SLC1A4: variants seen among roughly 807,000 people sequenced by gnomAD.
SLC1A4 encodes neutral amino acid transporter A.
In SLC1A4, 19 loss-of-function variants were observed where a neutral mutation model predicts 37.7. The observed-to-expected ratio is 0.50, with a 90% CI of 0.35 to 0.74. The LOEUF is 0.74. Ranked by LOEUF, SLC1A4 falls within the 30% of genes least tolerant of loss-of-function variation. SLC1A4 has a pLI of 0.01. For missense variants in SLC1A4, 570 were observed against 712.9 expected (o/e 0.80, Z 2.28); for synonymous variants, 299 against 309.8 (o/e 0.97, Z 0.37).
chr2:65,023,178 T>A lies in SLC1A4; in HGVS notation c.*2032T>A, dbSNP rs1243237684. The A allele has an allele frequency of 1.3e-5, 2 of 152,284 alleles. No homozygotes were observed. The highest frequency in any genetic ancestry group is 4.8e-5 in the African/African-American group (2 of 41,468). The allele number at this position is 152,284 out of a possible 1,614,324, so 9.4% of individuals were successfully genotyped here. A position where few individuals can be genotyped will look rare whatever the true frequency, so the allele number is the denominator to read the frequency against. On this transcript the variant is annotated 3_prime_UTR_variant, in exon 8 of 8. Transcript: ENST00000234256. ...GTAGAGCATGTTGCTGATACTCTTC[T>A]GTTTTCAAGGGAAACAATCACATTG...
intron 1 of SLC1A4, among the ~76,000 whole-genome samples, chr2:64,991,358 C>G (rs955267321): frequency 6.7e-6 from 1 of 149,894 alleles, no homozygotes; most frequent in African/African-American, 2.5e-5. Context: ...ATGAGGGAGA[C>G]CAAAAGTTCT....
intron 4 of SLC1A4, among the ~76,000 whole-genome samples, chr2:65,011,099 T>G (rs1387169580): frequency 6.6e-6 from 1 of 152,208 alleles, no homozygotes; most frequent in Non-Finnish European, 1.5e-5. Flanking sequence ...TGTGGGAAAG[T>G]GAATTCCATT....
chr2:65,002,570 CT>C (rs70937394), intron 2 of SLC1A4, among the ~76,000 whole-genome samples: 5,319 of 59,148 alleles, frequency 0.09, 64 homozygotes, highest in Non-Finnish European at 0.1. Flanking sequence ...TGTGACCATT[CT>C]TTTTTTTTTT....
rs1003171529 is a variant in SLC1A4 at position 65,023,241 on chromosome 2, C to T, written c.*2095C>T. On this transcript the variant is annotated 3_prime_UTR_variant, in exon 8 of 8. Coordinates refer to ENST00000234256, the MANE Select transcript of SLC1A4 (RefSeq NM_003038.5). The stretch of plus-strand genomic sequence containing the variant: ...TGGTAAATGAACACTCACTATTCTT[C>T]AGGCTTCAGTAAATCTTTTTTTCTT... The T allele has an allele frequency of 6.6e-6, 1 of 152,210 alleles. No homozygotes were observed. The highest frequency in any genetic ancestry group is 2.4e-5 in the African/African-American group (1 of 41,454). 9.4% of individuals were successfully genotyped at this position (152,210 alleles called of 1,614,324 possible). A position where few individuals can be genotyped will look rare whatever the true frequency, so the allele number is the denominator to read the frequency against.
At chr2:65,002,022 G>A (rs1673479209) in intron 2 of SLC1A4, among the ~76,000 whole-genome samples, 1 of 152,154 alleles carries the variant, frequency 6.6e-6, no homozygotes, top group Non-Finnish European at 1.5e-5. Context: ...GCTCATGCCT[G>A]TTATCCCAGC....
intron 1 of SLC1A4, among the ~76,000 whole-genome samples, chr2:64,996,193 C>T (rs1375927957): frequency 2.0e-5 from 3 of 152,132 alleles, no homozygotes; most frequent in African/African-American, 4.8e-5. Context: ...ACTATACCCG[C>T]CCCCCAACTC....
At chr2:65,007,475 A>C (rs1265719401) in intron 3 of SLC1A4, among the ~76,000 whole-genome samples, 1 of 152,124 alleles carries the variant, frequency 6.6e-6, no homozygotes, top group East Asian at 1.9e-4. Flanking sequence ...ATTCAATGCT[A>C]AGTCTGCCTA....
intron 1 of SLC1A4, chr2:64,994,768 T>C (rs1480759020): frequency 6.6e-6 from 1 of 151,886 alleles, no homozygotes; most frequent in African/African-American, 2.4e-5. Flanking sequence ...GCAGCACATA[T>C]ACTAAAACTG....
Position 64,989,918 on chromosome 2 carries a change from C to T in SLC1A4, c.275C>T (p.Pro92Leu), listed in dbSNP as rs780624542. 1 of 1,561,502 alleles carries T rather than the reference C, an allele frequency of 6.4e-7. No individual in the cohort carries two copies. The highest frequency in any genetic ancestry group is 8.7e-7 in the Non-Finnish European group (1 of 1,155,696). The change falls in exon 1 of 8, where the codon CCG (proline) becomes CTG (leucine). Residue 92 changes from proline (P) to leucine (L), a missense_variant. Coordinates refer to ENST00000234256, the MANE Select transcript of SLC1A4 (RefSeq NM_003038.5). ...LLRMLRMIIL[P>L]LVVCSLVSGA... ...CGCATGCTGCGCATGATCATCCTGC[C>T]GCTGGTGGTCTGCAGCCTGGTGTCG...
intron 2 of SLC1A4, among the ~76,000 whole-genome samples, chr2:65,002,370 T>G (rs1000211409): frequency 5.3e-5 from 8 of 149,756 alleles, no homozygotes; most frequent in Non-Finnish European, 8.9e-5. Flanking sequence ...TAGCCTGCTG[T>G]TTTTTTTTAA....
rs1672961412 is a variant in SLC1A4 at position 64,989,616 on chromosome 2, C to CCT, written c.-25_-24dup. Reference sequence around the variant, plus strand: ...TTGCCAGAGCCCACGTCCCCTGCCACCTCTAGCTCGGAGCGGCGTGTAGCG... The same window carrying CCT: ...TTGCCAGAGCCCACGTCCCCTGCCACCTCTCTAGCTCGGAGCGGCGTGTAGCG... On this transcript the variant is annotated 5_prime_UTR_variant, in exon 1 of 8. Transcript: ENST00000234256. 1 of 1,469,222 alleles carries CCT rather than the reference C, an allele frequency of 6.8e-7. No homozygotes were observed. The highest frequency in any genetic ancestry group is 9.0e-7 in the Non-Finnish European group (1 of 1,115,808). The allele number at this position is 1,469,222 out of a possible 1,614,324, so 91.0% of individuals were successfully genotyped here.
chr2:65,007,353 A>G (rs1673721623), intron 3 of SLC1A4, among the ~76,000 whole-genome samples: 1 of 151,724 alleles, frequency 6.6e-6, no homozygotes, highest in African/African-American at 2.4e-5. Flanking sequence ...GTGAGGGAGG[A>G]GCTATGGGGA....
Position 65,019,331 on chromosome 2 carries a change from G to A in SLC1A4, c.1364+652G>A, listed in dbSNP as rs147662253. ...GTAGAGCCTGTGGGTAAGAAAATGA[G>A]CCCTGGAGCCCAGGTGCCTGGATTG... On this transcript the variant is annotated intron_variant, in intron 7 of 7. Coordinates refer to ENST00000234256, the MANE Select transcript of SLC1A4 (RefSeq NM_003038.5). 2.0e-5 allele frequency among the ~76,000 whole-genome samples: 3 copies of A among 152,250 alleles called. No homozygotes were observed. The East Asian group carries it at 5.8e-4, about 29-fold the overall frequency.
At chr2:65,005,022 C>T (rs184903039) in intron 3 of SLC1A4, among the ~76,000 whole-genome samples, 68 of 152,270 alleles carry the variant, frequency 4.5e-4, no homozygotes, top group African/African-American at 1.6e-3. Flanking sequence ...TGTTGAAGTT[C>T]GGAACAAAAT....
chr2:65,004,056 A>G, intron 3 of SLC1A4, 41 bp downstream of exon 3: 1 of 1,498,090 alleles, frequency 6.7e-7, no homozygotes. Context: ...ATATGTCTAA[A>G]ACAAATCTTA....
At chr2:65,009,934 AT>A (rs35311819) in intron 3 of SLC1A4, among the ~76,000 whole-genome samples, 6,366 of 145,260 alleles carry the variant, frequency 0.044, 216 homozygotes, top group African/African-American at 0.1. Context: ...TCTGAAGGAA[AT>A]TTTTTTTTTT....
intron 5 of SLC1A4, among the ~76,000 whole-genome samples, chr2:65,017,865 G>A (rs139122993): frequency 5.8e-4 from 88 of 152,340 alleles, no homozygotes; most frequent in African/African-American, 1.9e-3. Context: ...AATGAAGGCA[G>A]TCATATTTTA....
chr2:65,002,831 C>T (rs1010692617), intron 2 of SLC1A4, among the ~76,000 whole-genome samples: 5 of 152,092 alleles, frequency 3.3e-5, no homozygotes, highest in Non-Finnish European at 7.4e-5. Context: ...CCGCCTCGGC[C>T]TCCCAAAGTG....
chr2:65,000,056 C>G (rs973486844), intron 1 of SLC1A4: 1 of 152,158 alleles, frequency 6.6e-6, no homozygotes, highest in Non-Finnish European at 1.5e-5. Context: ...GCCTGGAGAT[C>G]CTGGTGAGCA....
Sources: gnomAD v4.1 joint callset for allele counts (sites outside exome capture counted in the v4.1 genomes callset) on GRCh38, gnomAD v4.1.1 for gene constraint, MANE v1.5 for transcripts, NCBI Gene and HGNC (gene_info 2026-07-23, HGNC 2026-07-21) for gene names.